The following CNTNAP3B variants were observed in gnomAD, a reference collection of about 807,000 sequenced individuals.
The protein encoded by CNTNAP3B is contactin associated protein family member 3B.
Under a neutral mutation model 108.9 loss-of-function variants are expected in CNTNAP3B, and 25 were observed. The observed-to-expected ratio is 0.23, with a 90% CI of 0.17 to 0.32. The LOEUF is 0.32. Ranked by LOEUF, CNTNAP3B falls within the 10% of genes least tolerant of loss-of-function variation. CNTNAP3B has a pLI of 1.00. For synonymous variants in CNTNAP3B, 103 were observed against 473.4 expected (o/e 0.22, Z 10.16); for missense variants, 252 against 1,210.4 (o/e 0.21, Z 11.75).
chr9:41,948,391 T>A (rs1459068989), intron 13 of CNTNAP3B, among the ~76,000 whole-genome samples: 10 of 152,212 alleles, frequency 6.6e-5, no homozygotes, highest in South Asian at 4.1e-4. Context: ...CGGGCCTTAC[T>A]GGAGAATTCT....
At chr9:42,078,862 C>T (rs2118623042) in intron 2 of CNTNAP3B, among the ~76,000 whole-genome samples, 1 of 151,322 alleles carries the variant, frequency 6.6e-6, no homozygotes, top group Admixed American at 6.6e-5. Flanking sequence ...TTCCTCCTTC[C>T]AACTTAACTT....
intron 2 of CNTNAP3B, among the ~76,000 whole-genome samples, chr9:42,080,488 T>C (rs372345599): frequency 7.2e-6 from 1 of 138,230 alleles, no homozygotes; most frequent in East Asian, 2.2e-4. Flanking sequence ...ACAGCGTGAC[T>C]GACCTGTGCA....
chr9:42,116,547 C>T (rs1828321426), intron 1 of CNTNAP3B, among the ~76,000 whole-genome samples: 2 of 136,982 alleles, frequency 1.5e-5, no homozygotes, highest in Non-Finnish European at 3.1e-5. Flanking sequence ...AAGGAACAAC[C>T]AGTACCAGCC....
chr9:41,956,453 T>C lies in CNTNAP3B; in HGVS notation c.1877-3067A>G, dbSNP rs556496500. Reference sequence around the variant, plus strand: ...AAATAGGGATGCATATGGTTTCACATAGGGAAGTCGCAATATTGTAAGTAG... The same window carrying C: ...AAATAGGGATGCATATGGTTTCACACAGGGAAGTCGCAATATTGTAAGTAG... On this transcript the variant is annotated intron_variant, in intron 12 of 23. Coordinates refer to ENST00000377561, the MANE Select transcript of CNTNAP3B (RefSeq NM_001201380.3). 4.1e-4 allele frequency among the ~76,000 whole-genome samples: 62 copies of C among 152,364 alleles called. 1 individual carries two copies. In the South Asian group the frequency reaches 8.7e-3, roughly 21 times the overall value.
intron 14 of CNTNAP3B, among the ~76,000 whole-genome samples, chr9:41,934,642 T>G (rs1285503405): frequency 3.3e-5 from 5 of 152,310 alleles, no homozygotes; most frequent in African/African-American, 1.2e-4. Flanking sequence ...TTCATCTTTG[T>G]CTGACATAAT....
chr9:41,979,665 A>ATT (rs1179850703), intron 9 of CNTNAP3B: 4 of 42,008 alleles, frequency 9.5e-5, no homozygotes, highest in African/African-American at 2.7e-4. Flanking sequence ...ATATATATAT[A>ATT]TATTTTTTTT....
At chr9:42,034,182 A>ATCTATCTATCTATCTATC (rs1387322077) in intron 3 of CNTNAP3B, among the ~76,000 whole-genome samples, 15 of 61,948 alleles carry the variant, frequency 2.4e-4, no homozygotes, top group African/African-American at 8.1e-4. Flanking sequence ...ATGTATGTAT[A>ATCTATCTATCTATCTATC]TATGTATCTA....
At chr9:41,921,466 G>A (rs1454346767) in intron 17 of CNTNAP3B, among the ~76,000 whole-genome samples, 1 of 149,436 alleles carries the variant, frequency 6.7e-6, no homozygotes, top group Non-Finnish European at 1.5e-5. Context: ...CCTGGAAGTT[G>A]TATCTACCCT....
intron 13 of CNTNAP3B, among the ~76,000 whole-genome samples, chr9:41,940,434 T>A (rs1302320658): frequency 6.6e-6 from 1 of 152,306 alleles, no homozygotes; most frequent in Non-Finnish European, 1.5e-5. Flanking sequence ...CCAGAAGGAA[T>A]GGCATATTTT....
At chr9:41,961,513 C>T (rs1228007789) in intron 11 of CNTNAP3B, among the ~76,000 whole-genome samples, 3 of 152,304 alleles carry the variant, frequency 2.0e-5, no homozygotes, top group African/African-American at 7.2e-5. Flanking sequence ...AATACCTAAG[C>T]ACATTAAAAG....
At chr9:42,056,310 A>C (rs1827066624) in intron 3 of CNTNAP3B, among the ~76,000 whole-genome samples, 1 of 127,352 alleles carries the variant, frequency 7.9e-6, no homozygotes, top group Non-Finnish European at 1.6e-5. Flanking sequence ...ACAAGGTTGA[A>C]TATTATCTCA....
intron 3 of CNTNAP3B, among the ~76,000 whole-genome samples, chr9:42,030,822 GA>G: frequency 8.3e-6 from 1 of 121,196 alleles, no homozygotes; most frequent in Non-Finnish European, 1.7e-5. Context: ...AGGAGAGAGA[GA>G]GAGAGAGAGA....
chr9:41,935,494 C>T (rs991226400), intron 14 of CNTNAP3B, among the ~76,000 whole-genome samples: 587 of 152,124 alleles, frequency 3.9e-3, no homozygotes, highest in Non-Finnish European at 6.9e-3. Flanking sequence ...TATGTCTACA[C>T]CTTAATCTAA....
At chr9:41,948,055 G>A (rs1824576191) in intron 13 of CNTNAP3B, among the ~76,000 whole-genome samples, 1 of 151,522 alleles carries the variant, frequency 6.6e-6, no homozygotes. Flanking sequence ...TCTTGGCCCA[G>A]ATGGTTTTAT....
intron 1 of CNTNAP3B, among the ~76,000 whole-genome samples, chr9:42,118,841 AT>A: frequency 2.4e-5 from 2 of 84,164 alleles, no homozygotes; most frequent in South Asian, 9.4e-4. Flanking sequence ...CAAAATCAAG[AT>A]TTTGTATCTT....
At chr9:41,964,720 A>T (rs1239411372) in intron 10 of CNTNAP3B, 76 bp from the exon 11 acceptor site, 7 of 1,538,720 alleles carry the variant, frequency 4.5e-6, no homozygotes, top group Non-Finnish European at 6.1e-6. Context: ...AAAACAGGTT[A>T]ATGTGAAAGG....
rs1172410839 is a variant in CNTNAP3B at position 41,959,798 on chromosome 9, C to G, written c.1876+975G>C. 3.3e-5 allele frequency among the ~76,000 whole-genome samples: 5 copies of G among 152,422 alleles called. No individual in the cohort carries two copies. The East Asian group carries it at 7.7e-4, about 23-fold the overall frequency. ...TTCTTTATCCTTGATGCTTGCTGAC[C>G]CATTTGGTTATTGTCCAAATTTATG... On this transcript the variant is annotated intron_variant, in intron 12 of 23. Transcript: ENST00000377561.
At position 41,953,131 on chromosome 9, in the gene CNTNAP3B, G is replaced by C. The variant is rs1437812114; in HGVS notation, c.2080+52C>G. The C allele has an allele frequency of 2.7e-6, 4 of 1,462,300 alleles. No homozygotes were observed. In the African/African-American group the frequency reaches 4.5e-5, roughly 16 times the overall value. The allele number at this position is 1,462,300 out of a possible 1,614,324, so 90.6% of individuals were successfully genotyped here. A position where few individuals can be genotyped will look rare whatever the true frequency, so the allele number is the denominator to read the frequency against. ...CCCTCAAAGGCATCTCGCAGCCCGA[G>C]GGCCGCGCCCCGGCCTCGTGAGCCC... On this transcript the variant is annotated intron_variant, in intron 13 of 23. Transcript: ENST00000377561.
intron 14 of CNTNAP3B, among the ~76,000 whole-genome samples, chr9:41,935,346 C>T (rs1224776600): frequency 6.6e-6 from 1 of 152,240 alleles, no homozygotes; most frequent in Non-Finnish European, 1.5e-5. Flanking sequence ...CGGACATATG[C>T]CTGAAGAGAC....
Sources: allele counts gnomAD v4.1 joint callset (sites outside exome capture counted in the v4.1 genomes callset), GRCh38; gene constraint gnomAD v4.1.1; transcripts MANE v1.5; gene names NCBI Gene and HGNC (gene_info 2026-07-23, HGNC 2026-07-21).